Variants in CCSER2 observed in about 807,000 individuals in gnomAD.
CCSER2 encodes the protein serine-rich coiled-coil domain-containing protein 2.
In CCSER2, 46 loss-of-function variants were observed where a neutral mutation model predicts 92.3. That is an observed-to-expected ratio of 0.50 (90% CI 0.39 to 0.64). The LOEUF is 0.64. Among genes scored for constraint, CCSER2 ranks in the 30% least tolerant of loss-of-function variants. The probability of loss-of-function intolerance (pLI) is 0.00; values close to 1 mark genes in which losing one functional copy is unlikely to be tolerated. For missense variants in CCSER2, 1,244 were observed against 1,238.9 expected, an observed-to-expected ratio of 1.00 and a Z score of -0.06; for synonymous variants, 433 against 431.4, an observed-to-expected ratio of 1.00 and a Z score of -0.04.
chr10:84,347,433 G>T (rs1474429007), intron 1 of CCSER2, among the ~76,000 whole-genome samples: 2 of 150,956 alleles, frequency 1.3e-5, no homozygotes, highest in Non-Finnish European at 3.0e-5. Flanking sequence ...CTCCCTCCCG[G>T]ACGGGTCGGC....
chr10:84,373,832 A>G lies in CCSER2; in HGVS notation c.1614+17A>G, dbSNP rs763954021. On this transcript the variant is annotated intron_variant, in intron 3 of 9. Coordinates refer to ENST00000372088, the MANE Select transcript of CCSER2 (RefSeq NM_001284240.2). ...AACAGCATAGTATGTATGGATTTATATACTCTTGGAATATTTTGTTTACCC... is the reference window on the plus strand; with the variant it reads ...AACAGCATAGTATGTATGGATTTATGTACTCTTGGAATATTTTGTTTACCC... 2 of 1,613,344 alleles carry G rather than the reference A, an allele frequency of 1.2e-6. No homozygotes were observed. Among genetic ancestry groups the G allele is most frequent in the Non-Finnish European group, 1.7e-6 (2 of 1,179,606 alleles).
intron 3 of CCSER2, among the ~76,000 whole-genome samples, chr10:84,417,176 A>G (rs1468744727): frequency 6.6e-6 from 1 of 152,230 alleles, no homozygotes; most frequent in African/African-American, 2.4e-5. Flanking sequence ...TTTTTTAAGA[A>G]GAGATAATAG....
intron 3 of CCSER2, among the ~76,000 whole-genome samples, chr10:84,397,530 A>G (rs2133295466): frequency 1.3e-5 from 2 of 152,354 alleles, no homozygotes; most frequent in South Asian, 4.1e-4. Flanking sequence ...CTCATCTAAC[A>G]AAAAGACTAC....
chr10:84,395,113 A>G (rs1161162695), intron 3 of CCSER2, among the ~76,000 whole-genome samples: 1 of 151,638 alleles, frequency 6.6e-6, no homozygotes, highest in Non-Finnish European at 1.5e-5. Flanking sequence ...GGTTCCAGCT[A>G]CTTGGGAAGC....
intron 3 of CCSER2, among the ~76,000 whole-genome samples, chr10:84,399,005 G>A (rs1841981303): frequency 6.6e-6 from 1 of 152,114 alleles, no homozygotes; most frequent in Non-Finnish European, 1.5e-5. Context: ...TTAGAGTCAT[G>A]GCCTGAGCCT....
At chr10:84,399,107 A>G (rs922900186) in intron 3 of CCSER2, among the ~76,000 whole-genome samples, 1 of 152,160 alleles carries the variant, frequency 6.6e-6, no homozygotes, top group Non-Finnish European at 1.5e-5. Flanking sequence ...TAGTGGTGAA[A>G]TCTAGGCTTT....
chr10:84,368,003 C>T (rs1462879991), intron 1 of CCSER2, among the ~76,000 whole-genome samples: 3 of 152,232 alleles, frequency 2.0e-5, no homozygotes, highest in East Asian at 3.9e-4. Flanking sequence ...CTATACCAGT[C>T]TCATTTCATA....
At chr10:84,357,676 T>C (rs1290099261) in intron 1 of CCSER2, among the ~76,000 whole-genome samples, 2 of 152,162 alleles carry the variant, frequency 1.3e-5, no homozygotes, top group Non-Finnish European at 2.9e-5. Context: ...GGTCTTGATC[T>C]CCTGACCTCG....
chr10:84,446,964 A>G (rs1490831286), intron 6 of CCSER2, among the ~76,000 whole-genome samples: 2 of 150,802 alleles, frequency 1.3e-5, no homozygotes, highest in African/African-American at 2.4e-5. Context: ...TTGGTGCTCC[A>G]ATCTATGAAC....
At chr10:84,366,423 C>T (rs1589453828) in intron 1 of CCSER2, among the ~76,000 whole-genome samples, 2 of 152,268 alleles carry the variant, frequency 1.3e-5, no homozygotes, top group Non-Finnish European at 2.9e-5. Context: ...CCTCAAAGTA[C>T]AGTATATAAG....
At chr10:84,337,901 A>C (rs557072230) in intron 1 of CCSER2, among the ~76,000 whole-genome samples, 1 of 152,182 alleles carries the variant, frequency 6.6e-6, no homozygotes, top group Non-Finnish European at 1.5e-5. Context: ...GTAGGGGAAT[A>C]GTTGGTTATG....
chr10:84,507,589 T>C (rs1256190229), intron 9 of CCSER2, among the ~76,000 whole-genome samples: 1 of 152,212 alleles, frequency 6.6e-6, no homozygotes, highest in Non-Finnish European at 1.5e-5. Flanking sequence ...GAACATTTCC[T>C]GCTTTCTATT....
chr10:84,476,450 T>A (rs926727105), intron 8 of CCSER2, among the ~76,000 whole-genome samples: 9 of 134,486 alleles, frequency 6.7e-5, no homozygotes, highest in Admixed American at 6.0e-4. Context: ...TTTTTTTTTT[T>A]TTTTTTTTTT....
intron 7 of CCSER2, among the ~76,000 whole-genome samples, chr10:84,467,807 G>A (rs74147572): frequency 0.083 from 12,569 of 152,146 alleles, 559 homozygotes; most frequent in Middle Eastern, 0.14. Flanking sequence ...ATGCTCCTCT[G>A]TTCTTTTCTC....
At chr10:84,507,559 A>G (rs1849127196) in intron 9 of CCSER2, among the ~76,000 whole-genome samples, 2 of 152,192 alleles carry the variant, frequency 1.3e-5, no homozygotes, top group African/African-American at 4.8e-5. Flanking sequence ...TCTGTTATGC[A>G]GTAGCATTAT....
chr10:84,376,143 A>C (rs577440948), intron 3 of CCSER2, among the ~76,000 whole-genome samples: 108 of 152,244 alleles, frequency 7.1e-4, no homozygotes, highest in African/African-American at 2.5e-3. Context: ...AATCATGTCA[A>C]GGATCCCAAC....
At chr10:84,374,498 A>G (rs7095983) in intron 3 of CCSER2, among the ~76,000 whole-genome samples, 129,770 of 152,080 alleles carry the variant, frequency 0.85, 55,440 homozygotes, top group East Asian at 0.9. Context: ...GGTCTCACAC[A>G]TATAATTACT....
At chr10:84,458,015 G>A (rs1845880661) in intron 6 of CCSER2, among the ~76,000 whole-genome samples, 1 of 151,984 alleles carries the variant, frequency 6.6e-6, no homozygotes, top group Non-Finnish European at 1.5e-5. Flanking sequence ...CCAAAAGGCT[G>A]GGATTACAGG....
At chr10:84,424,105 T>C (rs957994215) in intron 4 of CCSER2, among the ~76,000 whole-genome samples, 8 of 152,036 alleles carry the variant, frequency 5.3e-5, no homozygotes, top group Non-Finnish European at 7.4e-5. Flanking sequence ...TGAGCTATGA[T>C]TGCACCACTA....
Sources: gnomAD v4.1 joint callset for allele counts (sites outside exome capture counted in the v4.1 genomes callset) on GRCh38, gnomAD v4.1.1 for gene constraint, MANE v1.5 for transcripts, NCBI Gene and HGNC (gene_info 2026-07-23, HGNC 2026-07-21) for gene names.